The following RDH16 variants were observed in gnomAD, a reference collection of about 807,000 sequenced individuals.
The protein encoded by RDH16 is human epidermal retinol dehydrogenase.
In RDH16, 25 loss-of-function variants were observed where a neutral mutation model predicts 22.3. The ratio of observed to expected loss-of-function variants is 1.12; its 90% CI spans 0.82 to 1.56. The LOEUF is 1.56. Ranked by LOEUF, RDH16 falls within the 40% of genes most tolerant of loss-of-function variation. The pLI is 0.00. For synonymous variants in RDH16, 154 were observed against 164.4 expected (o/e 0.94, Z 0.48); for missense variants, 413 against 394.9 (o/e 1.05, Z -0.39).
intron 2 of RDH16, 40 bp downstream of exon 2, chr12:56,954,866 G>C: frequency 6.2e-7 from 1 of 1,609,092 alleles, no homozygotes; most frequent in Non-Finnish European, 8.5e-7. Flanking sequence ...ACAAGGACAG[G>C]AGCAGGAAGA....
At chr12:56,956,664 T>C (rs182651148) in intron 1 of RDH16, among the ~76,000 whole-genome samples, 1 of 152,274 alleles carries the variant, frequency 6.6e-6, no homozygotes, top group East Asian at 1.9e-4. Flanking sequence ...CTTAAGCTGA[T>C]ACTCTCCTCT....
At chr12:56,956,558 T>C (rs1955930096) in intron 1 of RDH16, among the ~76,000 whole-genome samples, 1 of 152,214 alleles carries the variant, frequency 6.6e-6, no homozygotes, top group Non-Finnish European at 1.5e-5. Flanking sequence ...TCCATGTTTC[T>C]TTCTTCCTCT....
In RDH16 at chr12:56,952,847, C is replaced by T. The variant is rs1465853330; in HGVS notation, c.716G>A (p.Gly239Asp). Residue 239 changes from glycine (G) to aspartate (D), a missense_variant, in exon 3 of 4, where the codon GGC becomes GAC. Gly to Asp is a moderately conservative substitution (Grantham distance 94, BLOSUM62 -1). Transcript: ENST00000398138. Reference sequence around the variant, plus strand: ...CTCACAGTCTGCAACAAACTTCTCGCCATAGGCCTCCTTGACCTCTGGACT... The same window carrying T: ...CTCACAGTCTGCAACAAACTTCTCGTCATAGGCCTCCTTGACCTCTGGACT... ...RSSPEVKEAY[G>D]EKFVADYKKS... is the part of the protein sequence containing the mutation. 2.5e-6 allele frequency: 4 copies of T among 1,613,448 alleles called. No homozygotes were observed. Among genetic ancestry groups the T allele is most frequent in the South Asian group, 1.1e-5 (1 of 90,960 alleles).
intron 3 of RDH16, 65 bp from the exon 4 acceptor site, chr12:56,952,311 CT>C: frequency 6.7e-7 from 1 of 1,483,212 alleles, no homozygotes; most frequent in Non-Finnish European, 9.2e-7. Flanking sequence ...TTGGATTCAA[CT>C]TAGAGTGGAA....
At chr12:56,955,666 C>T (rs938059184) in intron 1 of RDH16, among the ~76,000 whole-genome samples, 1 of 152,054 alleles carries the variant, frequency 6.6e-6, no homozygotes, top group Non-Finnish European at 1.5e-5. Flanking sequence ...GACCTGAAAT[C>T]CTAGGCTTGG....
intron 1 of RDH16, 35 bp from the exon 2 acceptor site, chr12:56,955,199 G>C (rs771193348): frequency 6.2e-7 from 1 of 1,611,516 alleles, no homozygotes. Context: ...GCATCACTGT[G>C]TTGTGCCTGT....
At chr12:56,953,634 A>G (rs1171135631) in intron 2 of RDH16, among the ~76,000 whole-genome samples, 1 of 152,122 alleles carries the variant, frequency 6.6e-6, no homozygotes, top group Middle Eastern at 3.2e-3. Flanking sequence ...CTTCACCACA[A>G]GAGGATTCTG....
chr12:56,956,836 T>A (rs920317412), intron 1 of RDH16, among the ~76,000 whole-genome samples: 1 of 152,032 alleles, frequency 6.6e-6, no homozygotes. Flanking sequence ...AGTCTCCAGA[T>A]CTCTAACCCA....
chr12:56,956,939 T>C (rs2136382034), intron 1 of RDH16, among the ~76,000 whole-genome samples: 1 of 151,998 alleles, frequency 6.6e-6, no homozygotes, highest in East Asian at 1.9e-4. Flanking sequence ...CAGGGCAAAC[T>C]CTCCCCAAGA....
At chr12:56,953,700 A>G (rs1048278479) in intron 2 of RDH16, among the ~76,000 whole-genome samples, 3 of 152,052 alleles carry the variant, frequency 2.0e-5, no homozygotes, top group Admixed American at 6.5e-5. Context: ...GCATTCCTTC[A>G]TCTAGGAGCC....
Position 56,957,560 on chromosome 12 carries a change from G to C in RDH16, c.-98C>G. The C allele has an allele frequency of 1.5e-6, 2 of 1,364,858 alleles. No individual in the cohort carries two copies. The highest frequency in any genetic ancestry group is 2.8e-5 in the South Asian group (2 of 71,128). The allele number at this position is 1,364,858 out of a possible 1,614,324, so 84.5% of individuals were successfully genotyped here. A position where few individuals can be genotyped will look rare whatever the true frequency, so the allele number is the denominator to read the frequency against. ...TTAAGAACACAGAGGGCTGTGGTAG[G>C]CAGGGAAGCCCTCAGGCATTTTGGC... On this transcript the variant is annotated 5_prime_UTR_variant, in exon 1 of 4. Coordinates refer to ENST00000398138, the MANE Select transcript of RDH16 (RefSeq NM_003708.5).
At chr12:56,953,556 C>T (rs1955902334) in intron 2 of RDH16, among the ~76,000 whole-genome samples, 1 of 152,236 alleles carries the variant, frequency 6.6e-6, no homozygotes, top group African/African-American at 2.4e-5. Flanking sequence ...CTGTCCAGGG[C>T]CCACAGGCCC....
Position 56,957,325 on chromosome 12 carries a change from G to A in RDH16, c.138C>T (p.Ala46=), listed in dbSNP as rs377195702. 9.9e-6 allele frequency: 16 copies of A among 1,614,144 alleles called. No individual in the cohort carries two copies. In the African/African-American group the frequency reaches 2.0e-4, roughly 20 times the overall value. The change falls in exon 1 of 4, where the codon GCC becomes GCT. Residue 46 remains alanine, a synonymous_variant. Transcript: ENST00000398138. ...GCAAGCCTCGTGCATCCAGCTGTCTGGCCAGCAGTTTCCCGAAGCCAGAGT... is the reference window on the plus strand; with the variant it reads ...GCAAGCCTCGTGCATCCAGCTGTCTAGCCAGCAGTTTCCCGAAGCCAGAGT... The part of the protein sequence containing the change: ...GCDSGFGKLL[A]RQLDARGLRV...
At position 56,957,083 on chromosome 12, in the gene RDH16, C is replaced by A; in HGVS notation, c.313+67G>T. Reference sequence around the variant, plus strand: ...ACACTGTAGGAATCTTCCCAGGGAGCAGACAGGAGGTGGTCCCTTCACACA... The same window carrying A: ...ACACTGTAGGAATCTTCCCAGGGAGAAGACAGGAGGTGGTCCCTTCACACA... On this transcript the variant is annotated intron_variant, in intron 1 of 3. Coordinates refer to ENST00000398138, the MANE Select transcript of RDH16 (RefSeq NM_003708.5). 3.4e-6 allele frequency: 5 copies of A among 1,458,124 alleles called. 1 individual carries two copies. In the South Asian group the frequency reaches 6.4e-5, roughly 19 times the overall value. 90.3% of individuals were successfully genotyped at this position (1,458,124 alleles called of 1,614,324 possible).
At chr12:56,954,054 C>T (rs941537248) in intron 2 of RDH16, among the ~76,000 whole-genome samples, 1 of 152,184 alleles carries the variant, frequency 6.6e-6, no homozygotes, top group East Asian at 1.9e-4. Flanking sequence ...AAGACCATCT[C>T]CTGCATGCTG....
chr12:56,957,069 A>G, intron 1 of RDH16, 81 bp downstream of exon 1: 1 of 1,370,102 alleles, frequency 7.3e-7, no homozygotes, highest in Non-Finnish European at 1.0e-6. Context: ...CACTGTAGGA[A>G]TCTTCCCAGG....
chr12:56,955,203 T>C (rs1955917810), intron 1 of RDH16, 39 bp from the exon 2 acceptor site: 1 of 1,610,700 alleles, frequency 6.2e-7, no homozygotes, highest in African/African-American at 1.3e-5. Context: ...CACTGTGTTG[T>C]GCCTGTGCAG....
rs1955939900 is a variant in RDH16, at chr12:56,957,376, A to C, written c.87T>G (p.Asp29Glu). 1 of 1,614,118 alleles carries C rather than the reference A, an allele frequency of 6.2e-7. No homozygotes were observed. The highest frequency in any genetic ancestry group is 8.5e-7 in the Non-Finnish European group (1 of 1,180,016). ...RERQVLSHLR[D>E]KYVFITGCDS... ...CACAGCCCGTGATGAACACATACTT[A>C]TCTCTCAGGTGGCTCAGCACCTGCC... The change falls in exon 1 of 4, where the codon GAT becomes GAG. Residue 29 changes from aspartate (D) to glutamate (E), a missense_variant. By Grantham distance (45) the Asp-to-Glu change is conservative. Transcript: ENST00000398138.
intron 3 of RDH16, 150 bp downstream of exon 3, chr12:56,952,677 C>T: frequency 1.1e-6 from 1 of 944,332 alleles, no homozygotes; most frequent in South Asian, 1.8e-5. Flanking sequence ...GACCACACAG[C>T]ACCCATCATG....
Sources: allele counts gnomAD v4.1 joint callset (sites outside exome capture counted in the v4.1 genomes callset), GRCh38; gene constraint gnomAD v4.1.1; transcripts MANE v1.5; gene names NCBI Gene and HGNC (gene_info 2026-07-23, HGNC 2026-07-21).